Variants in NAALADL2 observed in about 807,000 individuals in gnomAD.
NAALADL2 encodes N-acetylated alpha-linked acidic dipeptidase like 2.
NAALADL2 carries 76 observed loss-of-function variants against 87.2 expected under a neutral mutation model. The observed-to-expected ratio is 0.87, with a 90% CI of 0.72 to 1.05. The LOEUF (loss-of-function observed/expected upper bound fraction) is 1.05, where lower values mean the gene tolerates loss of function less well. NAALADL2 is among the 50% of genes least tolerant of loss of function. NAALADL2 has a pLI of 0.00. For synonymous variants in NAALADL2, 354 were observed against 331.0 expected (o/e 1.07, Z -0.75); for missense variants, 1,089 against 945.8 (o/e 1.15, Z -1.99).
intron 13 of NAALADL2, among the ~76,000 whole-genome samples, chr3:175,789,862 T>G (rs1282251646): frequency 6.6e-6 from 1 of 152,138 alleles, no homozygotes; most frequent in East Asian, 1.9e-4. Flanking sequence ...TAAACATCCA[T>G]GAAACTCAAA....
intron 1 of NAALADL2, among the ~76,000 whole-genome samples, chr3:174,862,024 C>A (rs1010754055): frequency 6.6e-6 from 1 of 151,792 alleles, no homozygotes; most frequent in Non-Finnish European, 1.5e-5. Flanking sequence ...ACAAGGTAAC[C>A]CCAGCGGAGA....
chr3:175,604,396 C>T (rs372657921), intron 10 of NAALADL2, among the ~76,000 whole-genome samples: 25 of 150,632 alleles, frequency 1.7e-4, no homozygotes, highest in African/African-American at 4.9e-4. Flanking sequence ...CTCCGCCTCC[C>T]GGGTTCACAC....
At chr3:174,866,096 G>A (rs1364292458) in intron 1 of NAALADL2, among the ~76,000 whole-genome samples, 1 of 151,740 alleles carries the variant, frequency 6.6e-6, no homozygotes, top group African/African-American at 2.4e-5. Context: ...TCACATTTAT[G>A]GTCTTCAAAT....
chr3:174,790,787 T>C (rs922610648), intron 3 of NAALADL2, among the ~76,000 whole-genome samples: 8 of 152,134 alleles, frequency 5.3e-5, no homozygotes, highest in Admixed American at 3.3e-4. Context: ...ATAAACCCAA[T>C]TGATAATCTA....
At chr3:174,983,949 C>T (rs1460600614) in intron 1 of NAALADL2, among the ~76,000 whole-genome samples, 2 of 152,128 alleles carry the variant, frequency 1.3e-5, no homozygotes, top group African/African-American at 2.4e-5. Context: ...TGAATACATA[C>T]TACCACATCA....
chr3:175,311,926 C>G (rs918157218), intron 4 of NAALADL2, among the ~76,000 whole-genome samples: 16 of 152,002 alleles, frequency 1.1e-4, no homozygotes, highest in African/African-American at 3.9e-4. Context: ...AATTTGAAAT[C>G]CTAATTAAAG....
At chr3:175,291,919 T>C (rs1399364731) in intron 4 of NAALADL2, among the ~76,000 whole-genome samples, 3 of 152,230 alleles carry the variant, frequency 2.0e-5, no homozygotes, top group Non-Finnish European at 4.4e-5. Context: ...TATATACTAA[T>C]AATGGTTCAT....
chr3:175,597,161 A>G (rs1162445201), intron 10 of NAALADL2, among the ~76,000 whole-genome samples: 1 of 152,076 alleles, frequency 6.6e-6, no homozygotes, highest in Non-Finnish European at 1.5e-5. Context: ...CATCTCTGTG[A>G]AAGCAGAGGG....
intron 2 of NAALADL2, among the ~76,000 whole-genome samples, chr3:174,649,593 C>A (rs1037859528): frequency 2.0e-5 from 3 of 151,910 alleles, no homozygotes; most frequent in African/African-American, 7.3e-5. Context: ...AGTCTCTGGA[C>A]CCTCTGACAA....
rs375580021 is a variant in NAALADL2 at position 174,610,993 on chromosome 3, G to T, written c.-115+60356G>T. Among the ~76,000 whole-genome samples, 21 of 152,136 alleles carry T rather than the reference G, an allele frequency of 1.4e-4. No homozygotes were observed. In the South Asian group the frequency reaches 1.9e-3, roughly 14 times the overall value. On this transcript the variant is annotated intron_variant, in intron 2 of 3. Transcript: ENST00000434257. ...TGGAATACTATGCAGCCATAAAAAAGGATGAGTTCATGTCCTTTGTAGGGA... is the reference window on the plus strand; with the variant it reads ...TGGAATACTATGCAGCCATAAAAAATGATGAGTTCATGTCCTTTGTAGGGA...
intron 3 of NAALADL2, among the ~76,000 whole-genome samples, chr3:174,817,938 C>T: frequency 6.6e-6 from 1 of 152,124 alleles, no homozygotes; most frequent in East Asian, 1.9e-4. Context: ...ATAAACACAG[C>T]CCATATATTT....
At chr3:175,543,948 G>A (rs1712834394) in intron 9 of NAALADL2, among the ~76,000 whole-genome samples, 1 of 152,122 alleles carries the variant, frequency 6.6e-6, no homozygotes, top group Non-Finnish European at 1.5e-5. Flanking sequence ...ACAAAGGCAG[G>A]GAGTTCTCTG....
intron 2 of NAALADL2, among the ~76,000 whole-genome samples, chr3:174,737,383 G>A (rs1733326640): frequency 6.6e-6 from 1 of 152,124 alleles, no homozygotes; most frequent in Admixed American, 6.5e-5. Context: ...ATGTAAACAT[G>A]GAAAAATGAA....
chr3:174,968,116 T>C (rs1743124131), intron 1 of NAALADL2, among the ~76,000 whole-genome samples: 1 of 152,214 alleles, frequency 6.6e-6, no homozygotes, highest in Non-Finnish European at 1.5e-5. Context: ...TTTGGTGCAC[T>C]ATCTAATGAT....
intron 5 of NAALADL2, among the ~76,000 whole-genome samples, chr3:175,416,931 A>G (rs1183626272): frequency 1.3e-5 from 2 of 151,976 alleles, no homozygotes; most frequent in Non-Finnish European, 2.9e-5. Flanking sequence ...ACTATATATT[A>G]TCTTTGAAAT....
chr3:175,702,483 A>G (rs1440549461), intron 11 of NAALADL2, among the ~76,000 whole-genome samples: 1 of 152,140 alleles, frequency 6.6e-6, no homozygotes, highest in Non-Finnish European at 1.5e-5. Flanking sequence ...AAAAAAAACT[A>G]AAAAAGAATC....
intron 4 of NAALADL2, among the ~76,000 whole-genome samples, chr3:175,303,363 G>A (rs1483624266): frequency 1.3e-5 from 2 of 152,030 alleles, no homozygotes; most frequent in Non-Finnish European, 2.9e-5. Context: ...TAATTAAGTT[G>A]TATAAAAATC....
chr3:174,683,457 T>C (rs1365279829), intron 2 of NAALADL2, among the ~76,000 whole-genome samples: 3 of 152,150 alleles, frequency 2.0e-5, no homozygotes, highest in East Asian at 3.8e-4. Flanking sequence ...TTAAAAACTG[T>C]ATATAATTAA....
intron 1 of NAALADL2, among the ~76,000 whole-genome samples, chr3:175,052,670 G>T (rs1040949930): frequency 6.7e-6 from 1 of 149,216 alleles, no homozygotes; most frequent in Non-Finnish European, 1.5e-5. Context: ...TTAAATATTT[G>T]TTCTTTTAAT....
Sources: gnomAD v4.1 joint callset for allele counts (sites outside exome capture counted in the v4.1 genomes callset) on GRCh38, gnomAD v4.1.1 for gene constraint, MANE v1.5 for transcripts, NCBI Gene and HGNC (gene_info 2026-07-23, HGNC 2026-07-21) for gene names.